PTH2R: variants seen among roughly 807,000 people sequenced by gnomAD.
PTH2R encodes PTH2 receptor.
A neutral mutation model predicts 60.3 loss-of-function variants in PTH2R; 59 were observed. That is an observed-to-expected ratio of 0.98 (90% CI 0.79 to 1.22). PTH2R has a LOEUF of 1.22. Ranked by LOEUF, PTH2R falls within the 50% of genes most tolerant of loss-of-function variation. The pLI is 0.00. For synonymous variants in PTH2R, 256 were observed against 243.8 expected (o/e 1.05, Z -0.47); for missense variants, 749 against 682.6 (o/e 1.10, Z -1.08).
intron 1 of PTH2R, among the ~76,000 whole-genome samples, chr2:208,389,328 T>C (rs1437123542): frequency 1.3e-5 from 2 of 152,128 alleles, no homozygotes; most frequent in African/African-American, 4.8e-5. Flanking sequence ...TATGGCTTTA[T>C]ATATCATTTC....
rs1248403026 is a variant in PTH2R at position 208,438,002 on chromosome 2, A to G, written c.411+121A>G. ...TTATTCCACGACACAAGGATCATAA[A>G]AGATAAAAGCAATGTTGCAATCTTT... On this transcript the variant is annotated intron_variant, in intron 4 of 12. Transcript: ENST00000272847. 3.1e-6 allele frequency: 4 copies of G among 1,297,950 alleles called. No individual in the cohort carries two copies. The African/African-American group carries it at 4.5e-5, about 15-fold the overall frequency. 80.4% of individuals were successfully genotyped at this position (1,297,950 alleles called of 1,614,324 possible). A position where few individuals can be genotyped will look rare whatever the true frequency, so the allele number is the denominator to read the frequency against.
chr2:208,392,782 C>T (rs1701130174), intron 1 of PTH2R, among the ~76,000 whole-genome samples: 1 of 152,172 alleles, frequency 6.6e-6, no homozygotes, highest in African/African-American at 2.4e-5. Context: ...GATCTACCTT[C>T]CTTCCTTCAA....
At chr2:208,382,743 G>A (rs1380937966) in intron 1 of PTH2R, among the ~76,000 whole-genome samples, 1 of 152,164 alleles carries the variant, frequency 6.6e-6, no homozygotes, top group Non-Finnish European at 1.5e-5. Context: ...GGAAGTTTTG[G>A]TGTTACTCTG....
chr2:208,391,828 T>C (rs1377439029), intron 1 of PTH2R, among the ~76,000 whole-genome samples: 2 of 152,048 alleles, frequency 1.3e-5, no homozygotes, highest in Non-Finnish European at 1.5e-5. Flanking sequence ...GGGCCTTGGG[T>C]TTTGAAACCT....
chr2:208,486,458 A>T (rs1203893284), intron 10 of PTH2R, among the ~76,000 whole-genome samples: 1 of 152,210 alleles, frequency 6.6e-6, no homozygotes, highest in Non-Finnish European at 1.5e-5. Context: ...ACAATGTGCT[A>T]CACTGGTGTA....
At chr2:208,411,170 C>G (rs1261179288) in intron 1 of PTH2R, among the ~76,000 whole-genome samples, 1 of 152,128 alleles carries the variant, frequency 6.6e-6, no homozygotes, top group African/African-American at 2.4e-5. Flanking sequence ...CGCTTGAACC[C>G]TGGAGGCAGA....
chr2:208,404,776 A>G (rs533924286), upstream of PTH2R, among the ~76,000 whole-genome samples: 3 of 152,118 alleles, frequency 2.0e-5, no homozygotes, highest in South Asian at 6.3e-4. Context: ...CCCGTGTTTG[A>G]ATGGCCAGAC....
chr2:208,493,414 C>T lies in PTH2R; in HGVS notation c.1408C>T (p.Arg470Cys), dbSNP rs149793388. 1.1e-4 allele frequency: 181 copies of T among 1,610,664 alleles called. No individual in the cohort carries two copies. The highest frequency in any genetic ancestry group is 3.1e-4 in the South Asian group (28 of 90,582). The change falls in exon 13 of 13, where the codon CGC becomes TGC. Residue 470 changes from arginine to cysteine, a missense_variant. By Grantham distance (180) the Arg-to-Cys change is radical. Transcript: ENST00000272847. ...SSQSQVAAST[R>C]MVLISGKAAK... ...CCAGTCACAGGTGGCGGCCAGCACA[C>T]GCATGGTGCTTATCTCTGGCAAAGC...
intron 1 of PTH2R, among the ~76,000 whole-genome samples, chr2:208,407,372 G>A (rs911311042): frequency 6.6e-6 from 1 of 152,230 alleles, no homozygotes; most frequent in Non-Finnish European, 1.5e-5. Context: ...CGCAAAGTAA[G>A]GGGATATTTC....
At chr2:208,423,874 C>G (rs1381124282) in intron 1 of PTH2R, among the ~76,000 whole-genome samples, 2 of 152,110 alleles carry the variant, frequency 1.3e-5, no homozygotes, top group Non-Finnish European at 2.9e-5. Flanking sequence ...ATTTTGTTTG[C>G]TCTACTTGGT....
chr2:208,369,473 C>G (rs1700654041), intron 1 of PTH2R, among the ~76,000 whole-genome samples: 1 of 151,332 alleles, frequency 6.6e-6, no homozygotes, highest in Non-Finnish European at 1.5e-5. Context: ...TCAAGCGATT[C>G]TCCTGCCTCA....
In PTH2R at chr2:208,489,031, C is replaced by T; in HGVS notation, c.1096C>T (p.Leu366=). The change falls in exon 11 of 13, where the codon CTG becomes TTG. Residue 366 remains leucine (L), a synonymous_variant. Transcript: ENST00000272847. ...KQYRKLAKST[L]VLVLVFGVHY... Reference sequence around the variant, plus strand: ...CTTTAGGAAACTGGCCAAATCGACACTGGTCCTGGTCCTAGTCTTTGGAGT... The same window carrying T: ...CTTTAGGAAACTGGCCAAATCGACATTGGTCCTGGTCCTAGTCTTTGGAGT... The T allele has an allele frequency of 6.2e-7, 1 of 1,614,058 alleles. No homozygotes were observed. The highest frequency in any genetic ancestry group is 8.5e-7 in the Non-Finnish European group (1 of 1,180,000).
chr2:208,423,099 CT>C (rs1701789068), intron 1 of PTH2R, among the ~76,000 whole-genome samples: 1 of 151,668 alleles, frequency 6.6e-6, no homozygotes, highest in Non-Finnish European at 1.5e-5. Context: ...GATTTATCCT[CT>C]TAACTTTATG....
rs1392788522 is a variant in PTH2R at position 208,360,232 on chromosome 2, GAACA to G, written c.-263_-260del. ...TTCAAGAAAAAGGCACAGGTTCCTT[GAACA>G]GGTAAGAAGAGCGCCCCACTTGTTC... On this transcript the variant is annotated splice_region_variant and 5_prime_UTR_variant, in exon 1 of 13. Transcript: ENST00000617735. 1.8e-5 allele frequency: 8 copies of G among 452,778 alleles called. No homozygotes were observed. The East Asian group carries it at 5.6e-4, about 32-fold the overall frequency. 28.0% of individuals were successfully genotyped at this position (452,778 alleles called of 1,614,324 possible).
chr2:208,412,340 T>C (rs1701556223), intron 1 of PTH2R, among the ~76,000 whole-genome samples: 1 of 152,214 alleles, frequency 6.6e-6, no homozygotes. Flanking sequence ...TGACACTAGT[T>C]AGAAATGAAT....
In PTH2R at chr2:208,434,706, C is replaced by T. The variant is rs180969572; in HGVS notation, c.179-2831C>T. ...TACACAATAGATACTGGGCACATAT[C>T]GACTGGACAGTTCAGATATATAAAG... On this transcript the variant is annotated intron_variant, in intron 2 of 12. Coordinates refer to ENST00000272847, the MANE Select transcript of PTH2R (RefSeq NM_005048.4). Among the ~76,000 whole-genome samples, 11 of 151,930 alleles carry T rather than the reference C, an allele frequency of 7.2e-5. No individual in the cohort carries two copies. In the East Asian group the frequency reaches 1.7e-3, roughly 24 times the overall value.
At chr2:208,492,587 C>G (rs1330192489) in intron 12 of PTH2R, among the ~76,000 whole-genome samples, 1 of 151,978 alleles carries the variant, frequency 6.6e-6, no homozygotes, top group Non-Finnish European at 1.5e-5. Context: ...GGCCTTATCC[C>G]TCTTGATTTT....
At position 208,406,871 on chromosome 2, in the gene PTH2R, T is replaced by A. The variant is rs1187071601; in HGVS notation, c.-173T>A. 1 of 443,808 alleles carries A rather than the reference T, an allele frequency of 2.3e-6. No individual in the cohort carries two copies. Among genetic ancestry groups the A allele is most frequent in the Non-Finnish European group, 3.9e-6 (1 of 255,466 alleles). The allele number at this position is 443,808 out of a possible 1,614,324, so 27.5% of individuals were successfully genotyped here. A position where few individuals can be genotyped will look rare whatever the true frequency, so the allele number is the denominator to read the frequency against. On this transcript the variant is annotated 5_prime_UTR_variant, in exon 1 of 13. Coordinates refer to ENST00000272847, the MANE Select transcript of PTH2R (RefSeq NM_005048.4). ...CAGCACGCGGGTTCTGAGAAGCGCG[T>A]GGCTCCGGCGACAAGACCCCAAGCA...
intron 1 of PTH2R, among the ~76,000 whole-genome samples, chr2:208,373,482 G>A (rs1219927812): frequency 6.6e-6 from 1 of 152,096 alleles, no homozygotes; most frequent in African/African-American, 2.4e-5. Context: ...ATGTGTGCCA[G>A]GGTGGAGGAA....
Sources: allele counts gnomAD v4.1 joint callset (sites outside exome capture counted in the v4.1 genomes callset), GRCh38; gene constraint gnomAD v4.1.1; transcripts MANE v1.5; gene names NCBI Gene and HGNC (gene_info 2026-07-23, HGNC 2026-07-21).